The following ADAM9 variants were observed in gnomAD, a reference collection of about 807,000 sequenced individuals.
The protein encoded by ADAM9 is ADAM metallopeptidase domain 9, also known as disintegrin and metalloproteinase domain-containing protein 9.
In ADAM9, 54 loss-of-function variants were observed where a neutral mutation model predicts 108.1. That is an observed-to-expected ratio of 0.50 (90% CI 0.40 to 0.63). The LOEUF (loss-of-function observed/expected upper bound fraction) is 0.63, where lower values mean the gene tolerates loss of function less well. Ranked by LOEUF, ADAM9 falls within the 20% of genes least tolerant of loss-of-function variation. ADAM9 has a pLI of 0.00. For missense variants in ADAM9, 830 were observed against 997.7 expected (o/e 0.83, Z 2.26); for synonymous variants, 316 against 336.0 (o/e 0.94, Z 0.65).
At chr8:39,090,769 A>G (rs1296974905) in intron 19 of ADAM9, among the ~76,000 whole-genome samples, 1 of 152,136 alleles carries the variant, frequency 6.6e-6, no homozygotes, top group African/African-American at 2.4e-5. Context: ...TAACTCCCCC[A>G]TCTGCATTTT....
chr8:39,050,257 C>G (rs1362810447), intron 12 of ADAM9, among the ~76,000 whole-genome samples: 1 of 152,092 alleles, frequency 6.6e-6, no homozygotes, highest in Non-Finnish European at 1.5e-5. Flanking sequence ...ATTCTTCTTA[C>G]TTAAGGTTCT....
chr8:39,025,721 C>T, intron 9 of ADAM9, 82 bp from the exon 10 acceptor site: 1 of 1,328,538 alleles, frequency 7.5e-7, no homozygotes, highest in Non-Finnish European at 1.1e-6. Context: ...TCTCCCAATC[C>T]AGTTGAGATT....
chr8:39,102,304 A>G (rs1412778458), intron 21 of ADAM9, among the ~76,000 whole-genome samples: 1 of 152,210 alleles, frequency 6.6e-6, no homozygotes, highest in African/African-American at 2.4e-5. Context: ...GAAGGCATAG[A>G]AGACTAAAGA....
chr8:39,088,334 C>T (rs975417245), intron 18 of ADAM9, among the ~76,000 whole-genome samples: 8 of 151,368 alleles, frequency 5.3e-5, no homozygotes, highest in Non-Finnish European at 1.0e-4. Flanking sequence ...GGTGCAATCT[C>T]GGCTCCGCCT....
intron 9 of ADAM9, among the ~76,000 whole-genome samples, chr8:39,025,117 G>A (rs756441231): frequency 3.3e-5 from 5 of 151,960 alleles, no homozygotes; most frequent in Non-Finnish European, 7.4e-5. Flanking sequence ...TGGAGACAGA[G>A]TCTCATTCTA....
chr8:39,039,035 G>A (rs1281358910), intron 11 of ADAM9, among the ~76,000 whole-genome samples: 4 of 152,082 alleles, frequency 2.6e-5, no homozygotes, highest in Non-Finnish European at 5.9e-5. Context: ...AGAGGCAGGA[G>A]TCAGTACTAT....
At chr8:39,092,606 GA>G (rs1839391479) in intron 20 of ADAM9, among the ~76,000 whole-genome samples, 1 of 151,582 alleles carries the variant, frequency 6.6e-6, no homozygotes, top group African/African-American at 2.4e-5. Context: ...TTGTTTTCAA[GA>G]TTTTTTTGTA....
At chr8:39,088,300 C>G (rs1341124234) in intron 18 of ADAM9, among the ~76,000 whole-genome samples, 1 of 150,566 alleles carries the variant, frequency 6.6e-6, no homozygotes, top group African/African-American at 2.4e-5. Context: ...GAGTCTCGCT[C>G]TGTTGCCCAC....
At chr8:38,998,017 T>A (rs1425597858) in intron 1 of ADAM9, among the ~76,000 whole-genome samples, 1 of 152,138 alleles carries the variant, frequency 6.6e-6, no homozygotes, top group East Asian at 1.9e-4. Flanking sequence ...TGGAAACAAG[T>A]TGTTTATTTT....
intron 12 of ADAM9, among the ~76,000 whole-genome samples, chr8:39,045,570 G>GTGTGTGTGTA (rs1837738753): frequency 1.1e-4 from 10 of 95,208 alleles, no homozygotes; most frequent in African/African-American, 2.9e-4. Context: ...GTGTGTGTGT[G>GTGTGTGTGTA]TATATATATA....
At chr8:39,063,542 C>T (rs1033126803) in intron 14 of ADAM9, among the ~76,000 whole-genome samples, 1 of 152,050 alleles carries the variant, frequency 6.6e-6, no homozygotes, top group Non-Finnish European at 1.5e-5. Flanking sequence ...GCCAACATGG[C>T]GAAACCCTGT....
In ADAM9 at chr8:39,006,083, C is replaced by T. The variant is rs76647430; in HGVS notation, c.98-1803C>T. On this transcript the variant is annotated intron_variant, in intron 1 of 21. Coordinates refer to ENST00000487273, the MANE Select transcript of ADAM9 (RefSeq NM_003816.3). The stretch of plus-strand genomic sequence containing the variant: ...TTTATTTACAACAGATCAGGAACCT[C>T]GTACAGGGACTGTGTAGACAAGGTA... Among the ~76,000 whole-genome samples the T allele has an allele frequency of 7.9e-4, 120 of 152,268 alleles. 2 individuals are homozygous for T. The East Asian group carries it at 0.022, about 28-fold the overall frequency.
rs1356848873 is a variant in ADAM9 at position 39,005,385 on chromosome 8, C to T, written c.98-2501C>T. Among the ~76,000 whole-genome samples, 3 of 152,178 alleles carry T rather than the reference C, an allele frequency of 2.0e-5. No homozygotes were observed. The East Asian group carries it at 5.8e-4, about 29-fold the overall frequency. On this transcript the variant is annotated intron_variant, in intron 1 of 21. Transcript: ENST00000487273. ...GAAAACATTCAGTAAGCTTATCCTGCATTCCTACACAAAGATTACAATAGC... is the reference window on the plus strand; with the variant it reads ...GAAAACATTCAGTAAGCTTATCCTGTATTCCTACACAAAGATTACAATAGC...
chr8:39,094,322 T>C (rs1431253215), intron 20 of ADAM9, among the ~76,000 whole-genome samples: 1 of 152,234 alleles, frequency 6.6e-6, no homozygotes, highest in Non-Finnish European at 1.5e-5. Flanking sequence ...GAATTCAGTT[T>C]GCTAGTATTT....
rs372698606 is a variant in ADAM9 at position 39,000,308 on chromosome 8, G to A, written c.97+3148G>A. ...CGCCCCAGCCTCTCTCACAGTCTTT[G>A]AATGGGTCTAATGTGGACCCAACTA... On this transcript the variant is annotated intron_variant, in intron 1 of 21. Coordinates refer to ENST00000487273, the MANE Select transcript of ADAM9 (RefSeq NM_003816.3). Among the ~76,000 whole-genome samples the A allele has an allele frequency of 1.1e-4, 16 of 152,252 alleles. 1 individual carries two copies. Among genetic ancestry groups the A allele is most frequent in the East Asian group, 5.8e-4 (3 of 5,182 alleles).
At chr8:39,007,766 T>G in intron 1 of ADAM9, 120 bp from the exon 2 acceptor site, 1 of 706,852 alleles carries the variant, frequency 1.4e-6, no homozygotes, top group South Asian at 1.6e-5. Context: ...ATATGCATAT[T>G]GTAATATGGG....
intron 5 of ADAM9, 97 bp downstream of exon 5, chr8:39,016,291 C>A: frequency 9.1e-7 from 1 of 1,104,200 alleles, no homozygotes; most frequent in Non-Finnish European, 1.4e-6. Flanking sequence ...GGGCACTTAG[C>A]AAAATTGGAA....
chr8:39,051,027 A>G (rs1309617793), intron 12 of ADAM9, among the ~76,000 whole-genome samples: 1 of 152,030 alleles, frequency 6.6e-6, no homozygotes, highest in Admixed American at 6.5e-5. Context: ...GAAAAATTGT[A>G]GCGTTGGATG....
Position 39,077,130 on chromosome 8 carries a change from A to G in ADAM9, c.1698-98A>G, listed in dbSNP as rs954374244. 23 of 1,315,188 alleles carry G rather than the reference A, an allele frequency of 1.7e-5. No individual in the cohort carries two copies. The African/African-American group carries it at 2.5e-4, about 14-fold the overall frequency. 81.5% of individuals were successfully genotyped at this position (1,315,188 alleles called of 1,614,324 possible). A position where few individuals can be genotyped will look rare whatever the true frequency, so the allele number is the denominator to read the frequency against. On this transcript the variant is annotated intron_variant, in intron 15 of 21. Coordinates refer to ENST00000487273, the MANE Select transcript of ADAM9 (RefSeq NM_003816.3). Reference sequence around the variant, plus strand: ...CACTTTCTCTGTTGAGATTCCCTCCATAGCAGCAAACTCTGTCCATATGCA... The same window carrying G: ...CACTTTCTCTGTTGAGATTCCCTCCGTAGCAGCAAACTCTGTCCATATGCA...
Sources: allele counts gnomAD v4.1 joint callset (sites outside exome capture counted in the v4.1 genomes callset), GRCh38; gene constraint gnomAD v4.1.1; transcripts MANE v1.5; gene names NCBI Gene and HGNC (gene_info 2026-07-23, HGNC 2026-07-21).